NRXN3: variants seen among roughly 807,000 people sequenced by gnomAD.
The protein encoded by NRXN3 is neurexin 3.
Under a neutral mutation model 137.6 loss-of-function variants are expected in NRXN3, and 32 were observed. The ratio of observed to expected loss-of-function variants is 0.23; its 90% confidence interval spans 0.18 to 0.31. NRXN3 has a LOEUF of 0.31. Among genes scored for constraint, NRXN3 ranks in the 10% least tolerant of loss-of-function variants. NRXN3 has a pLI of 1.00. For missense variants in NRXN3, 1,574 were observed against 2,062.5 expected (o/e 0.76, Z 4.59); for synonymous variants, 798 against 784.5 (o/e 1.02, Z -0.29).
At chr14:78,296,934 AGATAACTG>A (rs1234267939) in intron 3 of NRXN3, among the ~76,000 whole-genome samples, 1 of 152,206 alleles carries the variant, frequency 6.6e-6, no homozygotes, top group African/African-American at 2.4e-5. Flanking sequence ...ATACAAGAGC[AGATAACTG>A]GTACAATTGG....
At chr14:79,465,019 T>A (rs1264074036) in intron 15 of NRXN3, among the ~76,000 whole-genome samples, 1 of 152,196 alleles carries the variant, frequency 6.6e-6, no homozygotes, top group African/African-American at 2.4e-5. Flanking sequence ...TGTAGCAGAA[T>A]CCACTATATA....
intron 16 of NRXN3, among the ~76,000 whole-genome samples, chr14:79,650,105 T>C (rs1165742639): frequency 6.9e-6 from 1 of 145,316 alleles, no homozygotes; most frequent in Non-Finnish European, 1.5e-5. Flanking sequence ...CTGCTGCAGA[T>C]TGCTTGCTTG....
chr14:79,321,027 G>T (rs1598687360), intron 15 of NRXN3, among the ~76,000 whole-genome samples: 3 of 152,116 alleles, frequency 2.0e-5, no homozygotes, highest in East Asian at 1.9e-4. Context: ...GAGCGATTTT[G>T]TAATTTTATT....
At chr14:78,211,636 T>G (rs2062750118) in intron 1 of NRXN3, among the ~76,000 whole-genome samples, 1 of 152,232 alleles carries the variant, frequency 6.6e-6, no homozygotes, top group South Asian at 2.1e-4. Flanking sequence ...TGCAGAAACT[T>G]TGAAGAGATA....
chr14:78,171,686 C>A (rs542483202), intron 1 of NRXN3, among the ~76,000 whole-genome samples: 3 of 143,448 alleles, frequency 2.1e-5, no homozygotes, highest in African/African-American at 7.9e-5. Context: ...TGATGTAATA[C>A]CAACCTAAGG....
At chr14:78,793,640 C>T (rs1438627733) in intron 8 of NRXN3, among the ~76,000 whole-genome samples, 1 of 152,168 alleles carries the variant, frequency 6.6e-6, no homozygotes, top group Non-Finnish European at 1.5e-5. Flanking sequence ...GTGTTGTCAA[C>T]CAGGGAAGCA....
intron 10 of NRXN3, among the ~76,000 whole-genome samples, chr14:78,910,112 T>C (rs1394326608): frequency 1.3e-5 from 2 of 152,158 alleles, no homozygotes; most frequent in African/African-American, 4.8e-5. Context: ...TAGAAATATG[T>C]TATCCAAAGT....
chr14:78,253,022 C>T (rs1018250761), intron 2 of NRXN3, among the ~76,000 whole-genome samples: 1 of 152,080 alleles, frequency 6.6e-6, no homozygotes, highest in African/African-American at 2.4e-5. Flanking sequence ...GCATGGTTAG[C>T]CTTGAGAGTT....
At chr14:79,847,973 T>A (rs977670052) in intron 20 of NRXN3, among the ~76,000 whole-genome samples, 8 of 152,068 alleles carry the variant, frequency 5.3e-5, no homozygotes, top group African/African-American at 1.9e-4. Flanking sequence ...TATAAGCTCA[T>A]TGATGCACAG....
At chr14:79,704,677 T>A (rs747250277) in intron 19 of NRXN3, among the ~76,000 whole-genome samples, 1 of 152,192 alleles carries the variant, frequency 6.6e-6, no homozygotes, top group Non-Finnish European at 1.5e-5. Context: ...TTTGTCAGTC[T>A]AATCAGACTT....
intron 4 of NRXN3, among the ~76,000 whole-genome samples, chr14:78,352,890 G>A (rs888585575): frequency 7.2e-5 from 11 of 152,176 alleles, no homozygotes; most frequent in African/African-American, 2.7e-4. Flanking sequence ...GAGAGAAGCT[G>A]TTTTGCTCCC....
In NRXN3 at chr14:79,537,493, A is replaced by G. The variant is rs570154671; in HGVS notation, c.3444+70091A>G. ...GTGTGATGTTCCCCTTCCTGTGCCC[A>G]TGTGTTCTCATTGTTCAATTCCCAC... On this transcript the variant is annotated intron_variant, in intron 16 of 20. Coordinates refer to ENST00000335750, the MANE Select transcript of NRXN3 (RefSeq NM_001330195.2). 1.3e-4 allele frequency among the ~76,000 whole-genome samples: 19 copies of G among 151,656 alleles called. No individual in the cohort carries two copies. In the East Asian group the frequency reaches 3.3e-3, roughly 27 times the overall value.
At chr14:79,627,742 G>T (rs1359389627) in intron 16 of NRXN3, among the ~76,000 whole-genome samples, 2 of 152,092 alleles carry the variant, frequency 1.3e-5, no homozygotes, top group Non-Finnish European at 2.9e-5. Context: ...TCAGATGATG[G>T]TAACTAACTC....
At chr14:78,770,510 T>A (rs563915399) in intron 8 of NRXN3, among the ~76,000 whole-genome samples, 1 of 152,212 alleles carries the variant, frequency 6.6e-6, no homozygotes, top group Non-Finnish European at 1.5e-5. Flanking sequence ...TTCCTATTTA[T>A]GAAAACTGGC....
At chr14:79,697,567 C>T in intron 18 of NRXN3, 63 bp from the exon 19 acceptor site, 1 of 1,544,394 alleles carries the variant, frequency 6.5e-7, no homozygotes, top group Non-Finnish European at 8.8e-7. Flanking sequence ...TCCATTCAGA[C>T]CAGGTAAGGC....
intron 6 of NRXN3, chr14:78,703,522 T>C (rs2098311970): frequency 6.6e-6 from 1 of 152,260 alleles, no homozygotes; most frequent in Non-Finnish European, 1.5e-5. Context: ...TTCATTTCAT[T>C]ATTATCTATT....
intron 4 of NRXN3, among the ~76,000 whole-genome samples, chr14:78,494,473 G>T (rs2095735324): frequency 6.8e-6 from 1 of 146,014 alleles, no homozygotes; most frequent in Non-Finnish European, 1.5e-5. Context: ...TAAGGGAGTA[G>T]GCAAAAAATG....
intron 10 of NRXN3, among the ~76,000 whole-genome samples, chr14:78,872,553 G>A (rs2099104113): frequency 6.6e-6 from 1 of 151,294 alleles, no homozygotes; most frequent in Non-Finnish European, 1.5e-5. Flanking sequence ...AGTTAATCTT[G>A]GCTGTTTGTT....
intron 10 of NRXN3, among the ~76,000 whole-genome samples, chr14:78,925,603 T>C (rs747402900): frequency 9.2e-5 from 14 of 152,292 alleles, no homozygotes; most frequent in Non-Finnish European, 1.3e-4. Context: ...AACGTGCCAA[T>C]TATAGTTGAC....
Sources: allele counts gnomAD v4.1 joint callset (sites outside exome capture counted in the v4.1 genomes callset), GRCh38; gene constraint gnomAD v4.1.1; transcripts MANE v1.5; gene names NCBI Gene and HGNC (gene_info 2026-07-23, HGNC 2026-07-21).